DENND1A: variants seen among roughly 807,000 people sequenced by gnomAD.
DENND1A encodes the protein DENN domain-containing protein 1A.
In DENND1A, 51 loss-of-function variants were observed where a neutral mutation model predicts 113.7. The observed-to-expected ratio is 0.45, with a 90% CI of 0.36 to 0.57. The LOEUF (loss-of-function observed/expected upper bound fraction) is 0.57. DENND1A is among the 20% of genes least tolerant of loss of function. The pLI, the probability that DENND1A is intolerant of heterozygous loss-of-function variation, is 0.00. For missense variants in DENND1A, 1,258 were observed against 1,395.9 expected (o/e 0.90, Z 1.57); for synonymous variants, 565 against 570.8 (o/e 0.99, Z 0.14).
intron 13 of DENND1A, among the ~76,000 whole-genome samples, chr9:123,545,429 A>G (rs893057337): frequency 2.0e-5 from 3 of 151,792 alleles, no homozygotes; most frequent in East Asian, 1.9e-4. Flanking sequence ...CCCTCCATCA[A>G]CTGTGTGCTG....
chr9:123,790,562 C>T (rs562165241), intron 3 of DENND1A, among the ~76,000 whole-genome samples: 5 of 152,262 alleles, frequency 3.3e-5, no homozygotes, highest in African/African-American at 1.2e-4. Context: ...CTATACTATG[C>T]GCACCTTTAA....
At chr9:123,552,022 A>C (rs891587149) in intron 13 of DENND1A, among the ~76,000 whole-genome samples, 6 of 142,086 alleles carry the variant, frequency 4.2e-5, no homozygotes, top group Admixed American at 1.4e-4. Context: ...CGAGAGCGAG[A>C]GAGAGAGAGA....
chr9:123,664,433 A>T, intron 8 of DENND1A, among the ~76,000 whole-genome samples: 1 of 151,858 alleles, frequency 6.6e-6, no homozygotes, highest in East Asian at 1.9e-4. Flanking sequence ...CTATTTTTCA[A>T]TTTTACTTTA....
intron 6 of DENND1A, among the ~76,000 whole-genome samples, chr9:123,674,340 T>TCACACACACA (rs1160130484): frequency 5.5e-5 from 7 of 127,816 alleles, no homozygotes; most frequent in Admixed American, 3.5e-4. Context: ...TCTGTCTCTC[T>TCACACACACA]CTCACACACA....
intron 13 of DENND1A, among the ~76,000 whole-genome samples, chr9:123,482,069 G>A (rs909630797): frequency 1.3e-4 from 20 of 151,308 alleles, no homozygotes; most frequent in Admixed American, 1.3e-3. Context: ...CTCTCAAAGA[G>A]CTGGGATTAC....
At chr9:123,703,552 C>G (rs1178238531) in intron 5 of DENND1A, among the ~76,000 whole-genome samples, 1 of 151,806 alleles carries the variant, frequency 6.6e-6, no homozygotes, top group Admixed American at 6.6e-5. Flanking sequence ...AATCACTCAA[C>G]CACAAAGGAA....
chr9:123,601,709 C>T (rs1277082150), intron 11 of DENND1A, among the ~76,000 whole-genome samples: 1 of 152,204 alleles, frequency 6.6e-6, no homozygotes, highest in Non-Finnish European at 1.5e-5. Context: ...TTTTAAAAAG[C>T]TCTTCATATT....
chr9:123,815,993 C>CTTTTTTT (rs1170659580), intron 2 of DENND1A, among the ~76,000 whole-genome samples: 12 of 79,780 alleles, frequency 1.5e-4, no homozygotes, highest in East Asian at 3.4e-4. Flanking sequence ...AGTGACTGTA[C>CTTTTTTT]TTTTTTTTTT....
intron 19 of DENND1A, among the ~76,000 whole-genome samples, chr9:123,429,447 T>C (rs758053012): frequency 6.6e-6 from 1 of 152,118 alleles, no homozygotes; most frequent in Non-Finnish European, 1.5e-5. Flanking sequence ...ATCCGATACT[T>C]GGGAGGCTGA....
chr9:123,396,348 C>T (rs1037467841), intron 21 of DENND1A, among the ~76,000 whole-genome samples: 1 of 152,244 alleles, frequency 6.6e-6, no homozygotes, highest in Non-Finnish European at 1.5e-5. Flanking sequence ...TGCACCAGGC[C>T]GCCATCCAAA....
At chr9:123,807,934 C>A (rs983269948) in intron 2 of DENND1A, among the ~76,000 whole-genome samples, 1 of 152,080 alleles carries the variant, frequency 6.6e-6, no homozygotes, top group East Asian at 1.9e-4. Context: ...ACTTTAAAAC[C>A]TATATTCTTG....
At chr9:123,874,708 A>G (rs142480454) in intron 2 of DENND1A, among the ~76,000 whole-genome samples, 19 of 152,338 alleles carry the variant, frequency 1.2e-4, no homozygotes, top group African/African-American at 4.1e-4. Flanking sequence ...ACAAAAAGCA[A>G]ATAAAAAACA....
chr9:123,914,440 G>A (rs1410891834), intron 1 of DENND1A, among the ~76,000 whole-genome samples: 2 of 151,184 alleles, frequency 1.3e-5, no homozygotes, highest in African/African-American at 4.9e-5. Context: ...AGCTACTCTG[G>A]AGGCTGAGGC....
intron 9 of DENND1A, among the ~76,000 whole-genome samples, chr9:123,643,654 G>C (rs10986079): frequency 0.056 from 8,506 of 152,302 alleles, 276 homozygotes; most frequent in South Asian, 0.085. Context: ...GCTCCACCAA[G>C]GCCGCACTCA....
chr9:123,382,693 C>T, intron 23 of DENND1A, 68 bp from the exon 24 acceptor site: 7 of 1,511,730 alleles, frequency 4.6e-6, no homozygotes, highest in African/African-American at 2.7e-5. Flanking sequence ...CCCATTCCCA[C>T]ACCACTTCTG....
chr9:123,454,085 T>C (rs553221053), intron 16 of DENND1A, among the ~76,000 whole-genome samples: 4 of 152,292 alleles, frequency 2.6e-5, no homozygotes, highest in African/African-American at 9.6e-5. Context: ...ACTTATCACT[T>C]GATGCTGGAG....
chr9:123,741,926 TA>T (rs1334963474), intron 5 of DENND1A, among the ~76,000 whole-genome samples: 1 of 152,208 alleles, frequency 6.6e-6, no homozygotes, highest in African/African-American at 2.4e-5. Context: ...TTCTTTCCTT[TA>T]AAAAGAAAGT....
intron 12 of DENND1A, among the ~76,000 whole-genome samples, chr9:123,559,568 G>GA (rs962590668): frequency 3.3e-5 from 5 of 150,948 alleles, no homozygotes; most frequent in East Asian, 1.9e-4. Context: ...GAAGTCTGGG[G>GA]AAAAAAAAAT....
At position 123,459,112 on chromosome 9, in the gene DENND1A, T is replaced by C. The variant is rs184950318; in HGVS notation, c.994-1215A>G. ...TGAACCTGGGAGGCAGAGGTTGCAG[T>C]GAACTGAGATGGCGCCATTGCACTC... is the stretch of plus-strand genomic sequence containing the variant. On this transcript the variant is annotated intron_variant, in intron 13 of 23. Coordinates refer to ENST00000394215, the MANE Select transcript of DENND1A (RefSeq NM_001352964.2). Among the ~76,000 whole-genome samples, 262 of 152,302 alleles carry C rather than the reference T, an allele frequency of 1.7e-3. 2 individuals carry two copies. Among genetic ancestry groups the C allele is most frequent in the African/African-American group, 5.6e-3 (232 of 41,558 alleles).
Sources: gnomAD v4.1 joint callset for allele counts (sites outside exome capture counted in the v4.1 genomes callset) on GRCh38, gnomAD v4.1.1 for gene constraint, MANE v1.5 for transcripts, NCBI Gene and HGNC (gene_info 2026-07-23, HGNC 2026-07-21) for gene names.